Variants in FMNL3 observed in about 807,000 individuals in gnomAD.
The protein encoded by FMNL3 is formin-like protein 3.
Under a neutral mutation model 119.6 loss-of-function variants are expected in FMNL3, and 57 were observed. That is an observed-to-expected ratio of 0.48 (90% CI 0.39 to 0.59). The LOEUF is 0.59. Among genes scored for constraint, FMNL3 ranks in the 20% least tolerant of loss-of-function variants. FMNL3 has a pLI of 0.00. For missense variants in FMNL3, 1,053 were observed against 1,323.5 expected, an observed-to-expected ratio of 0.80 and a Z score of 3.17; for synonymous variants, 491 against 507.3, an observed-to-expected ratio of 0.97 and a Z score of 0.43.
rs141935753 is a variant in FMNL3, at chr12:49,661,412, C to T, written c.452+554G>A. On this transcript the variant is annotated intron_variant, in intron 5 of 25. Coordinates refer to ENST00000335154, the MANE Select transcript of FMNL3 (RefSeq NM_175736.5). ...AAGAGCTCTCATTCCTTCCACTATA[C>T]CAGGCCGCCTTTTCTGTGCTAACTC... Among the ~76,000 whole-genome samples, 14 of 152,314 alleles carry T rather than the reference C, an allele frequency of 9.2e-5. No homozygotes were observed. The East Asian group carries it at 2.5e-3, about 27-fold the overall frequency.
chr12:49,698,197 G>C (rs531447891), intron 1 of FMNL3, among the ~76,000 whole-genome samples: 41 of 152,228 alleles, frequency 2.7e-4, no homozygotes, highest in African/African-American at 8.7e-4. Context: ...AACAAAGTAC[G>C]TATCTTCCCT....
chr12:49,677,313 C>A (rs183614303), intron 1 of FMNL3, among the ~76,000 whole-genome samples: 188 of 152,234 alleles, frequency 1.2e-3, no homozygotes, highest in African/African-American at 4.3e-3. Context: ...AGTGACCCTC[C>A]TAGAGGCACA....
intron 1 of FMNL3, among the ~76,000 whole-genome samples, chr12:49,703,056 T>C (rs1944952335): frequency 6.6e-6 from 1 of 152,204 alleles, no homozygotes; most frequent in Non-Finnish European, 1.5e-5. Flanking sequence ...GCAGCAGGGA[T>C]AGCTCCTGTC....
intron 14 of FMNL3, 130 bp downstream of exon 14, chr12:49,651,802 AT>A: frequency 7.0e-7 from 1 of 1,427,658 alleles, no homozygotes; most frequent in Non-Finnish European, 9.2e-7. Context: ...CCTCACCCTG[AT>A]TTTATATCCC....
chr12:49,656,920 G>A (rs747163869), intron 7 of FMNL3, 21 bp from the exon 8 acceptor site: 1 of 1,608,530 alleles, frequency 6.2e-7, no homozygotes, highest in Admixed American at 1.7e-5. Context: ...AAGGACAGAA[G>A]GAGGGGACCT....
chr12:49,659,726 T>C (rs1943678187), intron 5 of FMNL3: 2 of 981,810 alleles, frequency 2.0e-6, no homozygotes, highest in Non-Finnish European at 2.4e-6. Context: ...CGTCAGCAGT[T>C]TGTCAATGTG....
chr12:49,643,955 A>G lies in FMNL3; in HGVS notation c.*1860T>C. 4 of 1,614,214 alleles carry G rather than the reference A, an allele frequency of 2.5e-6. No homozygotes were observed. Among genetic ancestry groups the G allele is most frequent in the Non-Finnish European group, 2.5e-6 (3 of 1,180,024 alleles). ...CAGGACAAGGACAGGGAGCTCCAACAGGCAGAGCTCCCTAACCGTTCCCCA... is the reference window on the plus strand; with the variant it reads ...CAGGACAAGGACAGGGAGCTCCAACGGGCAGAGCTCCCTAACCGTTCCCCA... On this transcript the variant is annotated 3_prime_UTR_variant, in exon 26 of 26. Coordinates refer to ENST00000335154, the MANE Select transcript of FMNL3 (RefSeq NM_175736.5).
intron 1 of FMNL3, among the ~76,000 whole-genome samples, chr12:49,673,616 A>T (rs1944103864): frequency 6.6e-6 from 1 of 152,282 alleles, no homozygotes; most frequent in South Asian, 2.1e-4. Flanking sequence ...GGGAGGTACC[A>T]GCTCCTGCTG....
chr12:49,671,035 C>T (rs749786203), intron 1 of FMNL3, among the ~76,000 whole-genome samples: 39 of 152,222 alleles, frequency 2.6e-4, no homozygotes, highest in Non-Finnish European at 4.9e-4. Context: ...TTTCTGTTGT[C>T]TCCCCTGGAA....
chr12:49,646,952 G>A lies in FMNL3; in HGVS notation c.2929C>T (p.Arg977Cys), dbSNP rs745810637. 7 of 1,613,956 alleles carry A rather than the reference G, an allele frequency of 4.3e-6. No homozygotes were observed. Among genetic ancestry groups the A allele is most frequent in the Non-Finnish European group, 5.9e-6 (7 of 1,179,982 alleles). ...ACAGGCCGGTGTTCCTTGGCCTGGC[G>A]CCGCCTCAACTCTGCTATTAACTCC... ...QQELIAELRRRQAKEHRPVYE... is the reference protein window; with the variant it reads ...QQELIAELRRCQAKEHRPVYE... The change falls in exon 25 of 26, where the codon CGC becomes TGC. Residue 977 changes from arginine to cysteine, a missense_variant. By Grantham distance (180) the Arg-to-Cys change is radical (BLOSUM62 -3). This residue lies in a region of FMNL3 where 324 missense variants were observed against 380.9 expected (regional missense o/e 0.85). Transcript: ENST00000335154.
Position 49,641,922 on chromosome 12 carries a change from C to T in FMNL3, c.*3893G>A, listed in dbSNP as rs760830638. ...TGTACCCACAGGACCGGGGCTTCTG[C>T]GTGGAGGTGAACACGGCCTTTGAGG... On this transcript the variant is annotated 3_prime_UTR_variant, in exon 26 of 26. Transcript: ENST00000335154. 84 of 1,613,296 alleles carry T rather than the reference C, an allele frequency of 5.2e-5. No homozygotes were observed. Among genetic ancestry groups the T allele is most frequent in the Middle Eastern group, 1.8e-4 (1 of 5,622 alleles).
chr12:49,707,240 T>C lies in FMNL3; in HGVS notation c.-60A>G. On this transcript the variant is annotated 5_prime_UTR_variant, in exon 1 of 26. Coordinates refer to ENST00000335154, the MANE Select transcript of FMNL3 (RefSeq NM_175736.5). ...ACCTCCACGCTCCGGAGCTTTCGGCTCCGCGGCTCCGACCAGGCTCCTCCC... is the reference window on the plus strand; with the variant it reads ...ACCTCCACGCTCCGGAGCTTTCGGCCCCGCGGCTCCGACCAGGCTCCTCCC... 7.2e-7 allele frequency: 1 copy of C among 1,394,294 alleles called. No individual in the cohort carries two copies. The highest frequency in any genetic ancestry group is 9.3e-7 in the Non-Finnish European group (1 of 1,069,856). The allele number at this position is 1,394,294 out of a possible 1,614,324, so 86.4% of individuals were successfully genotyped here. A position where few individuals can be genotyped will look rare whatever the true frequency, so the allele number is the denominator to read the frequency against.
chr12:49,643,156 T>C lies in FMNL3; in HGVS notation c.*2659A>G. The C allele has an allele frequency of 6.3e-7, 1 of 1,598,204 alleles. No individual in the cohort carries two copies. Among genetic ancestry groups the C allele is most frequent in the South Asian group, 1.1e-5 (1 of 90,026 alleles). ...CCCTGGGTCCTCCTCCTCTCTCGAA[T>C]TCCCAGACGAGGGCTTCTGGAGGGC... is the stretch of plus-strand genomic sequence containing the variant. On this transcript the variant is annotated 3_prime_UTR_variant, in exon 26 of 26. Coordinates refer to ENST00000335154, the MANE Select transcript of FMNL3 (RefSeq NM_175736.5).
Position 49,647,906 on chromosome 12 carries a change from G to A in FMNL3, c.2677-102C>T, listed in dbSNP as rs79252675. 23,234 of 1,011,236 alleles carry A rather than the reference G, an allele frequency of 0.023. 383 individuals carry two copies. Among genetic ancestry groups the A allele is most frequent in the Middle Eastern group, 0.059 (255 of 4,322 alleles). 62.6% of individuals were successfully genotyped at this position (1,011,236 alleles called of 1,614,324 possible). ...GCAGAAAGCAGAGCCCAGGGCCAAA[G>A]GGAGGAAAACCAAGCACCCAGGCCC... is the stretch of plus-strand genomic sequence containing the variant. On this transcript the variant is annotated intron_variant, in intron 22 of 25. Transcript: ENST00000335154. The surrounding 1 kb of genome is among the most constrained non-coding windows in gnomAD (Gnocchi z 4.9).
intron 6 of FMNL3, among the ~76,000 whole-genome samples, chr12:49,658,022 G>A (rs529834179): frequency 2.6e-5 from 4 of 152,250 alleles, no homozygotes; most frequent in Admixed American, 1.3e-4. Flanking sequence ...GGTGGGAGCT[G>A]GTCTCCAAGC....
In FMNL3 at chr12:49,639,736, T is replaced by C. The variant is rs1458380503; in HGVS notation, c.*6079A>G. 1 of 151,798 alleles carries C rather than the reference T, an allele frequency of 6.6e-6. No individual in the cohort carries two copies. Among genetic ancestry groups the C allele is most frequent in the African/African-American group, 2.4e-5 (1 of 41,314 alleles). The allele number at this position is 151,798 out of a possible 1,614,324, so 9.4% of individuals were successfully genotyped here. A position where few individuals can be genotyped will look rare whatever the true frequency, so the allele number is the denominator to read the frequency against. ...AGTGGGATAGAGTCACTAAGTAGAA[T>C]TGATAGATTTTGTGAAATGGAGGGA... On this transcript the variant is annotated 3_prime_UTR_variant, in exon 26 of 26. Coordinates refer to ENST00000335154, the MANE Select transcript of FMNL3 (RefSeq NM_175736.5).
rs910000739 is a variant in FMNL3 at position 49,647,584 on chromosome 12, C to G, written c.2778+119G>C. The G allele has an allele frequency of 1.9e-5, 19 of 994,830 alleles. No homozygotes were observed. In the African/African-American group the frequency reaches 2.7e-4, roughly 14 times the overall value. The allele number at this position is 994,830 out of a possible 1,614,324, so 61.6% of individuals were successfully genotyped here. On this transcript the variant is annotated intron_variant, in intron 23 of 25. Coordinates refer to ENST00000335154, the MANE Select transcript of FMNL3 (RefSeq NM_175736.5). This position sits in a 1 kb window ranked among gnomAD's most constrained non-coding sequence, Gnocchi z 4.9. ...TAAGAGGCCTGTCACCAGCTTGCATCGCTCCCTTCCCAGGACTCGGAGGAG... is the reference window on the plus strand; with the variant it reads ...TAAGAGGCCTGTCACCAGCTTGCATGGCTCCCTTCCCAGGACTCGGAGGAG...
In FMNL3 at chr12:49,636,914, T is replaced by C; in HGVS notation, c.*8901A>G. On this transcript the variant is annotated 3_prime_UTR_variant, in exon 26 of 26. Transcript: ENST00000335154. ...CCCTAGAGCACAACCTCTTCACCCA[T>C]TCCCTGCCCCCTTCTGGATACGCTG... 1 of 1,603,782 alleles carries C rather than the reference T, an allele frequency of 6.2e-7. No homozygotes were observed. Among genetic ancestry groups the C allele is most frequent in the Non-Finnish European group, 8.5e-7 (1 of 1,174,756 alleles).
In FMNL3 at chr12:49,643,275, A is replaced by G. The variant is rs1226891231; in HGVS notation, c.*2540T>C. ...CCCCCACCATCTCTCCGGCCCCCCAAGCGGAGGAGGCGGAACCCCTCAGAG... is the reference window on the plus strand; with the variant it reads ...CCCCCACCATCTCTCCGGCCCCCCAGGCGGAGGAGGCGGAACCCCTCAGAG... On this transcript the variant is annotated 3_prime_UTR_variant, in exon 26 of 26. Transcript: ENST00000335154. 1.2e-6 allele frequency: 2 copies of G among 1,614,026 alleles called. No homozygotes were observed. Among genetic ancestry groups the G allele is most frequent in the East Asian group, 2.2e-5 (1 of 44,880 alleles).
Sources: allele counts gnomAD v4.1 joint callset (sites outside exome capture counted in the v4.1 genomes callset), GRCh38; gene constraint gnomAD v4.1.1; regional missense constraint gnomAD v4.1.1; non-coding constraint Gnocchi (gnomAD v3.1); transcripts MANE v1.5; gene names NCBI Gene and HGNC (gene_info 2026-07-23, HGNC 2026-07-21).